The following TUBGCP6 variants were observed in gnomAD, a reference collection of about 807,000 sequenced individuals.
TUBGCP6 encodes tubulin gamma complex component 6, also known as gamma-tubulin complex component 6.
TUBGCP6 carries 161 observed loss-of-function variants against 175.8 expected under a neutral mutation model. The ratio of observed to expected loss-of-function variants is 0.92; its 90% CI spans 0.81 to 1.04. The LOEUF (loss-of-function observed/expected upper bound fraction) is 1.04, where lower values mean the gene tolerates loss of function less well. Among genes scored for constraint, TUBGCP6 ranks in the 50% least tolerant of loss-of-function variants. TUBGCP6 has a pLI of 0.00. For missense variants in TUBGCP6, 2,572 were observed against 2,433.0 expected (o/e 1.06, Z -1.20); for synonymous variants, 1,173 against 1,030.5 (o/e 1.14, Z -2.65).
At chr22:50,218,936 G>C (rs1461082624) in intron 20 of TUBGCP6, 39 bp from the exon 21 acceptor site, 2 of 1,592,798 alleles carry the variant, frequency 1.3e-6, no homozygotes, top group Non-Finnish European at 1.7e-6. Flanking sequence ...GGAGTCCCAA[G>C]CACATGCCTG....
intron 1 of TUBGCP6, among the ~76,000 whole-genome samples, chr22:50,242,411 C>A (rs1422078317): frequency 6.6e-6 from 1 of 152,068 alleles, no homozygotes; most frequent in Non-Finnish European, 1.5e-5. Context: ...GCAGGAGAAT[C>A]GCTTGAACCC....
chr22:50,220,574 G>C lies in TUBGCP6; in HGVS notation c.3785C>G (p.Thr1262Ser). ...LGEPVSDVVS[T>S]RPRWNTHVPI... ...TACATGGGTGTTCCACCGTGGCCGG[G>C]TGGAAACCACATCCGACACAGGCTC... Residue 1262 changes from threonine (T) to serine (S), a missense_variant, in exon 16 of 25, where the codon ACC becomes AGC. By Grantham distance (58) the Thr-to-Ser change is moderately conservative. Coordinates refer to ENST00000248846, the MANE Select transcript of TUBGCP6 (RefSeq NM_020461.4). The C allele has an allele frequency of 6.2e-7, 1 of 1,613,650 alleles. No individual in the cohort carries two copies. Among genetic ancestry groups the C allele is most frequent in the Non-Finnish European group, 8.5e-7 (1 of 1,179,998 alleles).
In TUBGCP6 at chr22:50,232,884, G is replaced by A. The variant is rs567810243; in HGVS notation, c.1116+432C>T. On this transcript the variant is annotated intron_variant, in intron 3 of 24. Transcript: ENST00000248846. ...AAGAGGGCTGGCTAAACTGCAGCTG[G>A]TGCCAGAACCAGTAAGGCCCGGCCC... is the stretch of plus-strand genomic sequence containing the variant. Among the ~76,000 whole-genome samples, 89 of 152,332 alleles carry A rather than the reference G, an allele frequency of 5.8e-4. 1 individual carries two copies. In the South Asian group the frequency reaches 0.017, roughly 29 times the overall value.
rs775171300 is a variant in TUBGCP6, at chr22:50,220,324, C to T, written c.4035G>A (p.Glu1345=). 18 of 1,575,086 alleles carry T rather than the reference C, an allele frequency of 1.1e-5. No individual in the cohort carries two copies. The highest frequency in any genetic ancestry group is 5.8e-5 in the South Asian group (5 of 86,140). The part of the protein sequence containing the change: ...GCGEGSISVG[E]NVSDVAPTQP... ...GGGTGGGAGCCACGTCTGACACGTT[C>T]TCCCCCACGCTGATGCTCCCCTCCC... Residue 1345 remains glutamate, a synonymous_variant, in exon 16 of 25, where the codon GAG becomes GAA. Transcript: ENST00000248846.
intron 2 of TUBGCP6, among the ~76,000 whole-genome samples, chr22:50,236,091 GC>G (rs1232990365): frequency 6.6e-6 from 1 of 151,032 alleles, no homozygotes; most frequent in East Asian, 1.9e-4. Flanking sequence ...AAATTTTACT[GC>G]CCCACCTCAG....
At chr22:50,220,068 G>T in intron 16 of TUBGCP6, 53 bp from the exon 17 acceptor site, 1 of 1,586,462 alleles carries the variant, frequency 6.3e-7, no homozygotes, top group South Asian at 1.1e-5. Context: ...CCTGTGGCGG[G>T]TACAGAGCCG....
chr22:50,226,373 A>C lies in TUBGCP6; in HGVS notation c.1607T>G (p.Ile536Ser). 1 of 1,606,014 alleles carries C rather than the reference A, an allele frequency of 6.2e-7. No homozygotes were observed. Reference protein sequence around the residue: ...KTSCEPYTRFIHDWVYSGVFR... With the variant: ...KTSCEPYTRFSHDWVYSGVFR... ...CACCCCGCTGTACACCCAGTCGTGGATGAACCTGCAGTGGGGGAAAAGCAG... is the reference window on the plus strand; with the variant it reads ...CACCCCGCTGTACACCCAGTCGTGGCTGAACCTGCAGTGGGGGAAAAGCAG... The change falls in exon 8 of 25, where the codon ATC (isoleucine) becomes AGC (serine). Residue 536 changes from isoleucine (I) to serine (S), a missense_variant. Ile to Ser is a moderately radical substitution (Grantham distance 142). Transcript: ENST00000248846.
In TUBGCP6 at chr22:50,233,252, G is replaced by A; in HGVS notation, c.1116+64C>T. 4 of 1,558,202 alleles carry A rather than the reference G, an allele frequency of 2.6e-6. No individual in the cohort carries two copies. The South Asian group carries it at 3.5e-5, about 14-fold the overall frequency. On this transcript the variant is annotated intron_variant, in intron 3 of 24. Transcript: ENST00000248846. ...GCTTGTTCTGCCCCATAAAGGGCTG[G>A]GCACTGCGTGGTGGAGGGCAGGCCA...
At position 50,219,688 on chromosome 22, in the gene TUBGCP6, C is replaced by T. The variant is rs2064483187; in HGVS notation, c.4271G>A (p.Gly1424Glu). ...GEQAYLAGLAGQYHLERYPDS... is the reference protein window; with the variant it reads ...GEQAYLAGLAEQYHLERYPDS... ...CGGGTACCGCTCCAAGTGGTACTGC[C>T]CTGCCAGGCCTGCCAGGTAGGCCTG... is the stretch of plus-strand genomic sequence containing the variant. The change falls in exon 18 of 25, where the codon GGG becomes GAG. Residue 1424 changes from glycine to glutamate, a missense_variant. Transcript: ENST00000248846. The T allele has an allele frequency of 6.2e-7, 1 of 1,613,686 alleles. No homozygotes were observed. The highest frequency in any genetic ancestry group is 8.5e-7 in the Non-Finnish European group (1 of 1,179,970).
chr22:50,244,649 C>G lies in TUBGCP6; in HGVS notation c.-190G>C, dbSNP rs2064896498. 1 of 919,928 alleles carries G rather than the reference C, an allele frequency of 1.1e-6. No individual in the cohort carries two copies. Among genetic ancestry groups the G allele is most frequent in the Non-Finnish European group, 1.6e-6 (1 of 639,454 alleles). The allele number at this position is 919,928 out of a possible 1,614,324, so 57.0% of individuals were successfully genotyped here. A position where few individuals can be genotyped will look rare whatever the true frequency, so the allele number is the denominator to read the frequency against. The stretch of plus-strand genomic sequence containing the variant: ...GGTTGCTCTACTCAGAGTAAACACG[C>G]CCTGCCCTCCCCAGTCCAAGCACGC... On this transcript the variant is annotated 5_prime_UTR_variant, in exon 1 of 25. Transcript: ENST00000248846.
rs780266514 is a variant in TUBGCP6, at chr22:50,222,051, C to T, written c.2461G>A (p.Val821Ile). 9.3e-6 allele frequency: 15 copies of T among 1,613,736 alleles called. 1 individual carries two copies. Among genetic ancestry groups the T allele is most frequent in the South Asian group, 7.7e-5 (7 of 91,072 alleles). Reference protein sequence around the residue: ...EAHQPQEPPDVLLSVHPQVTS... With the variant: ...EAHQPQEPPDILLSVHPQVTS... ...ACCTGGGGGTGCACGCTCAAGAGGACGTCTGGCGGCTCCTGGGGCTGGTGA... is the reference window on the plus strand; with the variant it reads ...ACCTGGGGGTGCACGCTCAAGAGGATGTCTGGCGGCTCCTGGGGCTGGTGA... Residue 821 changes from valine to isoleucine, a missense_variant, in exon 15 of 25, where the codon GTC (valine) becomes ATC (isoleucine). Physicochemically the swap from Val to Ile is conservative, Grantham distance 29 (BLOSUM62 3). Coordinates refer to ENST00000248846, the MANE Select transcript of TUBGCP6 (RefSeq NM_020461.4).
chr22:50,232,962 G>A (rs986917917), intron 3 of TUBGCP6, among the ~76,000 whole-genome samples: 2 of 152,214 alleles, frequency 1.3e-5, no homozygotes, highest in East Asian at 1.9e-4. Flanking sequence ...CCCCAGTCTC[G>A]GGACGCTCTC....
chr22:50,241,663 CCTCT>C (rs966040071), intron 1 of TUBGCP6, among the ~76,000 whole-genome samples: 9 of 152,248 alleles, frequency 5.9e-5, no homozygotes, highest in East Asian at 3.9e-4. Context: ...TAAGCTGTCT[CCTCT>C]CTCTCTGCTT....
At chr22:50,225,357 G>A (rs77740560) in intron 10 of TUBGCP6, among the ~76,000 whole-genome samples, 1,846 of 152,102 alleles carry the variant, frequency 0.012, 43 homozygotes, top group East Asian at 0.11. Flanking sequence ...GGCGTGGCCC[G>A]TCCCTGACAC....
At chr22:50,231,673 C>T (rs1160225786) in intron 3 of TUBGCP6, among the ~76,000 whole-genome samples, 1 of 151,696 alleles carries the variant, frequency 6.6e-6, no homozygotes, top group Non-Finnish European at 1.5e-5. Context: ...TCCTGGCTAA[C>T]ATGGTGAAAC....
chr22:50,221,660 AG>A lies in TUBGCP6; in HGVS notation c.2698del (p.Leu900TyrfsTer58). On this transcript the variant is annotated frameshift_variant, in exon 16 of 25. Coordinates refer to ENST00000248846, the MANE Select transcript of TUBGCP6 (RefSeq NM_020461.4). LOFTEE classifies it high-confidence loss of function. ...CGGCTCAGCCCCTGGGCCCACAGGT[AG>A]GAAGTCTCCAATGCTGAGGCTGTCA... ...FSDSLSIGDFLPVGPGAEPSV... is the reference protein window; with the variant it reads ...FSDSLSIGDFXPVGPGAEPSV... 3.3e-6 allele frequency: 5 copies of A among 1,521,962 alleles called. No individual in the cohort carries two copies. Among genetic ancestry groups the A allele is most frequent in the Non-Finnish European group, 4.4e-6 (5 of 1,135,994 alleles). 94.3% of individuals were successfully genotyped at this position (1,521,962 alleles called of 1,614,324 possible).
chr22:50,230,670 C>T (rs1009696893), intron 3 of TUBGCP6, among the ~76,000 whole-genome samples: 1 of 146,210 alleles, frequency 6.8e-6, no homozygotes, highest in Non-Finnish European at 1.5e-5. Context: ...CCCAGCTACT[C>T]GGGAGGCTGA....
At position 50,220,577 on chromosome 22, in the gene TUBGCP6, G is replaced by T; in HGVS notation, c.3782C>A (p.Ser1261Tyr). The T allele has an allele frequency of 1.2e-6, 2 of 1,613,642 alleles. No homozygotes were observed. Among genetic ancestry groups the T allele is most frequent in the Non-Finnish European group, 1.7e-6 (2 of 1,180,006 alleles). ...ATGGGTGTTCCACCGTGGCCGGGTG[G>T]AAACCACATCCGACACAGGCTCCCC... The part of the protein sequence containing the change: ...SLGEPVSDVV[S>Y]TRPRWNTHVP... Residue 1261 changes from serine to tyrosine, a missense_variant, in exon 16 of 25, where the codon TCC becomes TAC. Coordinates refer to ENST00000248846, the MANE Select transcript of TUBGCP6 (RefSeq NM_020461.4).
intron 3 of TUBGCP6, among the ~76,000 whole-genome samples, chr22:50,229,932 G>T (rs1373233892): frequency 3.9e-5 from 6 of 152,150 alleles, no homozygotes; most frequent in African/African-American, 1.4e-4. Context: ...ATGAATTAGA[G>T]AAATGATGGA....
Sources: allele counts gnomAD v4.1 joint callset (sites outside exome capture counted in the v4.1 genomes callset), GRCh38; gene constraint gnomAD v4.1.1; transcripts MANE v1.5; gene names NCBI Gene and HGNC (gene_info 2026-07-23, HGNC 2026-07-21).